Variants in RC3H2 observed in about 807,000 individuals in gnomAD.
RC3H2 encodes the protein roquin-2.
Under a neutral mutation model 133.3 loss-of-function variants are expected in RC3H2, and 31 were observed. The observed-to-expected ratio is 0.23, with a 90% CI of 0.17 to 0.31. The LOEUF (loss-of-function observed/expected upper bound fraction) is 0.31. Ranked by LOEUF, RC3H2 falls within the 10% of genes least tolerant of loss-of-function variation. The pLI, the probability that RC3H2 is intolerant of heterozygous loss-of-function variation, is 1.00. For synonymous variants in RC3H2, 517 were observed against 502.2 expected, an observed-to-expected ratio of 1.03 and a Z score of -0.40; for missense variants, 1,175 against 1,437.2, an observed-to-expected ratio of 0.82 and a Z score of 2.95.
rs1829850008 is a variant in RC3H2 at position 122,845,504 on chromosome 9, G to A, written c.*4123C>T. ...GCAGTACTAAGTGCAGCCAGTGTCT[G>A]TGTTCCACTGGTTTGGGAATATTTT... On this transcript the variant is annotated 3_prime_UTR_variant, in exon 21 of 21. Transcript: ENST00000357244. The A allele has an allele frequency of 6.6e-6, 1 of 152,090 alleles. No individual in the cohort carries two copies. The highest frequency in any genetic ancestry group is 2.4e-5 in the African/African-American group (1 of 41,404). The allele number at this position is 152,090 out of a possible 1,614,324, so 9.4% of individuals were successfully genotyped here.
chr9:122,898,885 C>G (rs545198916), intron 1 of RC3H2, among the ~76,000 whole-genome samples: 4 of 151,982 alleles, frequency 2.6e-5, no homozygotes, highest in Non-Finnish European at 4.4e-5. Context: ...CTGACAAAAG[C>G]TCTCTGGTGA....
At chr9:122,862,439 C>A (rs113518112) in intron 10 of RC3H2, among the ~76,000 whole-genome samples, 9 of 152,174 alleles carry the variant, frequency 5.9e-5, no homozygotes, top group African/African-American at 1.7e-4. Flanking sequence ...ATCCACAAGG[C>A]CCTTCCTTCC....
At chr9:122,878,377 C>T (rs1831435015) in intron 8 of RC3H2, among the ~76,000 whole-genome samples, 1 of 151,932 alleles carries the variant, frequency 6.6e-6, no homozygotes, top group African/African-American at 2.4e-5. Flanking sequence ...GGCCATTCTC[C>T]CTGCCTCAGA....
At position 122,877,447 on chromosome 9, in the gene RC3H2, T is replaced by C. The variant is rs574225474; in HGVS notation, c.1325+24A>G. On this transcript the variant is annotated intron_variant, in intron 9 of 20. Coordinates refer to ENST00000357244, the MANE Select transcript of RC3H2 (RefSeq NM_001100588.3). ...ATAAAAATCAAAAATTAAACCCATA[T>C]GAAACAGAATTCTCAACACTTACTT... The C allele has an allele frequency of 1.9e-5, 30 of 1,573,424 alleles. No homozygotes were observed. In the East Asian group the frequency reaches 5.4e-4, roughly 28 times the overall value.
intron 20 of RC3H2, 49 bp from the exon 21 acceptor site, chr9:122,849,871 C>T (rs745405430): frequency 1.5e-6 from 2 of 1,314,360 alleles, no homozygotes; most frequent in South Asian, 3.1e-5. Flanking sequence ...TAAGTGCAAA[C>T]TGTTAAGGGT....
rs546055079 is a variant in RC3H2 at position 122,867,152 on chromosome 9, AG to A, written c.1326-1496del. Among the ~76,000 whole-genome samples the A allele has an allele frequency of 6.9e-3, 836 of 120,976 alleles. 3 individuals carry two copies. The highest frequency in any genetic ancestry group is 0.025 in the African/African-American group (777 of 31,178). 79.4% of individuals were successfully genotyped at this position (120,976 alleles called of 152,430 possible). ...CAACCGCCCCGTCTGAGAAGTGAGG[AG>A]CCCCTCCGCCCGGCAGCCGGCCCAT... On this transcript the variant is annotated intron_variant, in intron 9 of 20. Transcript: ENST00000357244.
rs1829927176 is a variant in RC3H2 at position 122,849,008 on chromosome 9, T to A, written c.*619A>T. 1 of 152,022 alleles carries A rather than the reference T, an allele frequency of 6.6e-6. No individual in the cohort carries two copies. The highest frequency in any genetic ancestry group is 1.5e-5 in the Non-Finnish European group (1 of 67,996). 9.4% of individuals were successfully genotyped at this position (152,022 alleles called of 1,614,324 possible). ...TTAAAAAAAAATTATATGCTACAGA[T>A]AAAAGCACTGCACCACACTCCTACA... On this transcript the variant is annotated 3_prime_UTR_variant, in exon 21 of 21. Coordinates refer to ENST00000357244, the MANE Select transcript of RC3H2 (RefSeq NM_001100588.3).
At chr9:122,859,822 A>C (rs1830389141) in intron 11 of RC3H2, 95 bp downstream of exon 11, 1 of 1,054,088 alleles carries the variant, frequency 9.5e-7, no homozygotes, top group Admixed American at 2.1e-5. Flanking sequence ...CAAAAGGATT[A>C]ATTTTTTTAA....
At chr9:122,872,478 T>G (rs921858862) in intron 9 of RC3H2, among the ~76,000 whole-genome samples, 1 of 152,242 alleles carries the variant, frequency 6.6e-6, no homozygotes, top group African/African-American at 2.4e-5. Context: ...GACTTCTTAT[T>G]GCAAACAGAA....
At chr9:122,873,629 CCT>C (rs1233001392) in intron 9 of RC3H2, among the ~76,000 whole-genome samples, 1 of 151,794 alleles carries the variant, frequency 6.6e-6, no homozygotes, top group East Asian at 1.9e-4. Flanking sequence ...GGGAGAATCC[CCT>C]GAGCCTGGGA....
chr9:122,886,691 A>G (rs916957303), intron 4 of RC3H2, among the ~76,000 whole-genome samples: 2 of 152,346 alleles, frequency 1.3e-5, no homozygotes, highest in Admixed American at 6.5e-5. Flanking sequence ...CCCTGTCTCT[A>G]AAACAATGAA....
intron 4 of RC3H2, 85 bp downstream of exon 4, chr9:122,890,227 A>G: frequency 1.1e-6 from 1 of 912,468 alleles, no homozygotes; most frequent in Non-Finnish European, 1.8e-6. Context: ...AGACGGGTTG[A>G]GTCTCAGGAT....
At chr9:122,862,927 C>G (rs1321932171) in intron 10 of RC3H2, among the ~76,000 whole-genome samples, 2 of 150,050 alleles carry the variant, frequency 1.3e-5, no homozygotes, top group African/African-American at 4.9e-5. Context: ...TTACCCTAGT[C>G]TATTTTGTTA....
intron 18 of RC3H2, among the ~76,000 whole-genome samples, chr9:122,852,867 C>A (rs1398406169): frequency 1.3e-5 from 2 of 152,218 alleles, no homozygotes; most frequent in Admixed American, 6.5e-5. Context: ...AGCCACCACC[C>A]CGTCTGGGAG....
rs758625636 is a variant in RC3H2 at position 122,857,983 on chromosome 9, A to G, written c.2394T>C (p.Pro798=). 14 of 1,614,010 alleles carry G rather than the reference A, an allele frequency of 8.7e-6. No individual in the cohort carries two copies. The highest frequency in any genetic ancestry group is 1.3e-5 in the African/African-American group (1 of 74,954). The change falls in exon 13 of 21, where the codon CCT becomes CCC. Residue 798 remains proline, a synonymous_variant. Transcript: ENST00000357244. The part of the protein sequence containing the change: ...QKAPLVSSTL[P]VATQSPTPPS... Reference sequence around the variant, plus strand: ...GTGGTGTTGGTGACTGTGTTGCCACAGGAAGAGTTGAAGAGACAAGAGGTG... The same window carrying G: ...GTGGTGTTGGTGACTGTGTTGCCACGGGAAGAGTTGAAGAGACAAGAGGTG...
chr9:122,867,518 C>T (rs75568698), intron 9 of RC3H2, among the ~76,000 whole-genome samples: 10 of 17,828 alleles, frequency 5.6e-4, no homozygotes, highest in African/African-American at 9.6e-4. Context: ...CGCCTCTGCC[C>T]GGCCGCCTAT....
In RC3H2 at chr9:122,859,038, C is replaced by T; in HGVS notation, c.1914G>A (p.Arg638=). The T allele has an allele frequency of 1.2e-6, 2 of 1,610,932 alleles. No homozygotes were observed. Among genetic ancestry groups the T allele is most frequent in the Non-Finnish European group, 1.7e-6 (2 of 1,177,752 alleles). Residue 638 remains arginine, a synonymous_variant, in exon 12 of 21, where the codon AGG becomes AGA. Transcript: ENST00000357244. ...GGGAGGACTCTGGAACGTTATTGGA[C>T]CTCACAAAGCGAGGAACACAGGGAG... ...GVAPCVPRFV[R]SNNVPESSLP... is the part of the protein sequence containing the mutation.
chr9:122,858,649 A>G lies in RC3H2; in HGVS notation c.2283+20T>C. On this transcript the variant is annotated intron_variant, in intron 12 of 20. Coordinates refer to ENST00000357244, the MANE Select transcript of RC3H2 (RefSeq NM_001100588.3). Reference sequence around the variant, plus strand: ...ACACTGGGCTGTTAATGACTACATTATAGTAGCATCTTCACTTACCCTTGG... The same window carrying G: ...ACACTGGGCTGTTAATGACTACATTGTAGTAGCATCTTCACTTACCCTTGG... 1.3e-6 allele frequency: 2 copies of G among 1,593,652 alleles called. No individual in the cohort carries two copies. Among genetic ancestry groups the G allele is most frequent in the Non-Finnish European group, 1.7e-6 (2 of 1,172,556 alleles).
rs1236123601 is a variant in RC3H2 at position 122,848,479 on chromosome 9, A to G, written c.*1148T>C. Reference sequence around the variant, plus strand: ...TTTCAGTCACATTTTAGCAAGGCAGAAATTATTCATGTTCTTAAGTATGAA... The same window carrying G: ...TTTCAGTCACATTTTAGCAAGGCAGGAATTATTCATGTTCTTAAGTATGAA... On this transcript the variant is annotated 3_prime_UTR_variant, in exon 21 of 21. Transcript: ENST00000357244. The G allele has an allele frequency of 1.3e-5, 2 of 152,184 alleles. No homozygotes were observed. The highest frequency in any genetic ancestry group is 4.8e-5 in the African/African-American group (2 of 41,456). 9.4% of individuals were successfully genotyped at this position (152,184 alleles called of 1,614,324 possible).
Sources: gnomAD v4.1 joint callset for allele counts (sites outside exome capture counted in the v4.1 genomes callset) on GRCh38, gnomAD v4.1.1 for gene constraint, MANE v1.5 for transcripts, NCBI Gene and HGNC (gene_info 2026-07-23, HGNC 2026-07-21) for gene names.